Variants in AP4S1 observed in about 807,000 individuals in gnomAD.
AP4S1 encodes the protein adaptor related protein complex 4 subunit sigma 1, also known as AP-4 complex subunit sigma-1.
AP4S1 carries 23 observed loss-of-function variants against 19.8 expected under a neutral mutation model. The ratio of observed to expected loss-of-function variants is 1.16; its 90% CI spans 0.84 to 1.65. The LOEUF (loss-of-function observed/expected upper bound fraction) is 1.65, where lower values mean the gene tolerates loss of function less well. AP4S1 is among the 40% of genes most tolerant of loss of function. The probability of loss-of-function intolerance (pLI) is 0.00; values close to 1 mark genes in which losing one functional copy is unlikely to be tolerated. For missense variants in AP4S1, 166 were observed against 172.8 expected (o/e 0.96, Z 0.22); for synonymous variants, 46 against 54.1 (o/e 0.85, Z 0.66).
Position 31,066,164 on chromosome 14 carries a change from T to C in AP4S1, c.-33T>C. The C allele has an allele frequency of 6.2e-7, 1 of 1,611,400 alleles. No individual in the cohort carries two copies. ...CCATCCCTTGTCATAACTTTTGAAC[T>C]GTATTTGGAAAAATACTGGCCAGGA... On this transcript the variant is annotated 5_prime_UTR_variant, in exon 2 of 6. Coordinates refer to ENST00000542754, the MANE Select transcript of AP4S1 (RefSeq NM_001128126.3).
At chr14:31,070,156 G>A (rs1007471007) in intron 3 of AP4S1, among the ~76,000 whole-genome samples, 1 of 152,054 alleles carries the variant, frequency 6.6e-6, no homozygotes, top group Non-Finnish European at 1.5e-5. Context: ...CACCACACCC[G>A]GCTAATTTTT....
chr14:31,055,867 G>A (rs995517266), intron 1 of AP4S1, among the ~76,000 whole-genome samples: 7 of 146,814 alleles, frequency 4.8e-5, no homozygotes, highest in South Asian at 2.1e-4. Context: ...TTTTTGAGAC[G>A]GAGTCTCACT....
intron 2 of AP4S1, among the ~76,000 whole-genome samples, chr14:31,068,806 T>G (rs1886858069): frequency 6.6e-6 from 1 of 152,120 alleles, no homozygotes; most frequent in East Asian, 1.9e-4. Flanking sequence ...TAGAGGTGCT[T>G]TGATACTTTT....
chr14:31,087,781 T>A (rs1026467750), intron 5 of AP4S1, among the ~76,000 whole-genome samples: 3 of 152,142 alleles, frequency 2.0e-5, no homozygotes, highest in Non-Finnish European at 4.4e-5. Flanking sequence ...TAAGGGGAGA[T>A]GTTTTAGAGA....
At chr14:31,060,019 A>G (rs1449792314) in intron 1 of AP4S1, among the ~76,000 whole-genome samples, 2 of 118,950 alleles carry the variant, frequency 1.7e-5, no homozygotes, top group Non-Finnish European at 3.6e-5. Context: ...GTATATATGT[A>G]TATATATTTA....
intron 1 of AP4S1, among the ~76,000 whole-genome samples, chr14:31,035,041 T>C (rs1884644939): frequency 6.6e-6 from 1 of 152,178 alleles, no homozygotes; most frequent in Admixed American, 6.6e-5. Flanking sequence ...ACTTTTTTTC[T>C]GTGTGAAGAA....
In AP4S1 at chr14:31,095,389, C is replaced by G. The variant is rs1238444921; in HGVS notation, c.*2354C>G. 4 of 152,076 alleles carry G rather than the reference C, an allele frequency of 2.6e-5. No individual in the cohort carries two copies. The highest frequency in any genetic ancestry group is 5.9e-5 in the Non-Finnish European group (4 of 68,052). The allele number at this position is 152,076 out of a possible 1,614,324, so 9.4% of individuals were successfully genotyped here. On this transcript the variant is annotated 3_prime_UTR_variant, in exon 6 of 6. Coordinates refer to ENST00000542754, the MANE Select transcript of AP4S1 (RefSeq NM_001128126.3). ...TGGATGGTCAGACATTAAGACAGCCCCAGAGAGCCCCTACAGCTATCCTTT... is the reference window on the plus strand; with the variant it reads ...TGGATGGTCAGACATTAAGACAGCCGCAGAGAGCCCCTACAGCTATCCTTT...
chr14:31,028,525 C>T (rs1488082030), intron 1 of AP4S1, among the ~76,000 whole-genome samples: 2 of 151,966 alleles, frequency 1.3e-5, no homozygotes, highest in Non-Finnish European at 2.9e-5. Context: ...TCATCCAATT[C>T]CTTTTTAGGG....
chr14:31,080,539 T>G lies in AP4S1; in HGVS notation c.295-34T>G, dbSNP rs11621299. 1,346,903 of 1,571,098 alleles carry G rather than the reference T, an allele frequency of 0.86. 579,280 individuals carry two copies. Among genetic ancestry groups the G allele is most frequent in the African/African-American group, 0.96 (71,415 of 74,056 alleles). On this transcript the variant is annotated intron_variant, in intron 4 of 5. Coordinates refer to ENST00000542754, the MANE Select transcript of AP4S1 (RefSeq NM_001128126.3). ...AAGAGCAGTGGTCCCCAGTGTCTTTTTTCTAACCCTTGCACTCTTTTTCTG... is the reference window on the plus strand; with the variant it reads ...AAGAGCAGTGGTCCCCAGTGTCTTTGTTCTAACCCTTGCACTCTTTTTCTG...
chr14:31,074,395 G>A (rs1457106819), intron 4 of AP4S1, among the ~76,000 whole-genome samples: 1 of 151,176 alleles, frequency 6.6e-6, no homozygotes, highest in African/African-American at 2.4e-5. Flanking sequence ...GCTGACGCCT[G>A]TAATCTCAGC....
chr14:31,084,979 A>G, intron 5 of AP4S1: 1 of 1,580,720 alleles, frequency 6.3e-7, no homozygotes, highest in African/African-American at 1.3e-5. Context: ...GAAGGTACAG[A>G]AAACCTCCAC....
chr14:31,054,465 C>T lies in AP4S1; in HGVS notation c.-71-11661C>T, dbSNP rs746763672. On this transcript the variant is annotated intron_variant, in intron 1 of 5. Coordinates refer to ENST00000542754, the MANE Select transcript of AP4S1 (RefSeq NM_001128126.3). ...TTGGGAGGCCGAGGTGGGCGGATCA[C>T]AAGATCAGGAGTTTGGGGCCAGCCT... Among the ~76,000 whole-genome samples the T allele has an allele frequency of 9.9e-5, 15 of 152,006 alleles. No individual in the cohort carries two copies. Among genetic ancestry groups the T allele is most frequent in the Non-Finnish European group, 1.9e-4 (13 of 68,006 alleles).
intron 1 of AP4S1, among the ~76,000 whole-genome samples, chr14:31,033,553 A>G (rs1884541077): frequency 6.6e-6 from 1 of 152,210 alleles, no homozygotes; most frequent in Non-Finnish European, 1.5e-5. Context: ...GCAAAGTATT[A>G]GACTCCAGAG....
intron 1 of AP4S1, among the ~76,000 whole-genome samples, chr14:31,035,962 C>A (rs1405947801): frequency 6.6e-6 from 1 of 152,020 alleles, no homozygotes; most frequent in Non-Finnish European, 1.5e-5. Flanking sequence ...GATATCCTGA[C>A]CTGGTGATCC....
Position 31,073,352 on chromosome 14 carries a change from T to C in AP4S1, c.294+379T>C, listed in dbSNP as rs548736501. On this transcript the variant is annotated intron_variant, in intron 4 of 5. Coordinates refer to ENST00000542754, the MANE Select transcript of AP4S1 (RefSeq NM_001128126.3). ...AAAAATACAAAAAATTAGCTGGGCG[T>C]GGTGGTGGGCGCCTGTAGTCCCAGC... Among the ~76,000 whole-genome samples, 244 of 135,186 alleles carry C rather than the reference T, an allele frequency of 1.8e-3. 7 individuals carry two copies. The highest frequency in any genetic ancestry group is 4.5e-3 in the African/African-American group (178 of 39,124). 88.7% of individuals were successfully genotyped at this position (135,186 alleles called of 152,430 possible).
chr14:31,073,358 T>C (rs12881224), intron 4 of AP4S1, among the ~76,000 whole-genome samples: 88,214 of 122,732 alleles, frequency 0.72, 34,241 homozygotes, highest in Middle Eastern at 0.86. Context: ...GGCGTGGTGG[T>C]GGGCGCCTGT....
intron 2 of AP4S1, among the ~76,000 whole-genome samples, chr14:31,069,586 AG>A (rs1413239793): frequency 6.6e-6 from 1 of 152,212 alleles, no homozygotes; most frequent in African/African-American, 2.4e-5. Context: ...AGCAAAGCAA[AG>A]GAACAAGAAG....
chr14:31,051,122 G>A (rs976874208), intron 1 of AP4S1, among the ~76,000 whole-genome samples: 2 of 151,894 alleles, frequency 1.3e-5, no homozygotes, highest in East Asian at 1.9e-4. Flanking sequence ...TGGGTGTGGT[G>A]GTGCATGCCT....
At chr14:31,055,305 G>A (rs897598844) in intron 1 of AP4S1, among the ~76,000 whole-genome samples, 2 of 152,100 alleles carry the variant, frequency 1.3e-5, no homozygotes, top group African/African-American at 2.4e-5. Context: ...TTGTAGTTGG[G>A]AAGAGAGGAT....
Sources: gnomAD v4.1 joint callset for allele counts (sites outside exome capture counted in the v4.1 genomes callset) on GRCh38, gnomAD v4.1.1 for gene constraint, MANE v1.5 for transcripts, NCBI Gene and HGNC (gene_info 2026-07-23, HGNC 2026-07-21) for gene names.